Variants in RGS7 observed in about 807,000 individuals in gnomAD.
RGS7 encodes the protein regulator of G protein signaling 7.
RGS7 carries 27 observed loss-of-function variants against 81.1 expected under a neutral mutation model. The observed-to-expected ratio is 0.33, with a 90% CI of 0.25 to 0.46. RGS7 has a LOEUF of 0.46. RGS7 is among the 20% of genes least tolerant of loss of function. The pLI is 1.00. For missense variants in RGS7, 396 were observed against 607.4 expected, an observed-to-expected ratio of 0.65 and a Z score of 3.66; for synonymous variants, 208 against 207.7, an observed-to-expected ratio of 1.00 and a Z score of -0.01.
intron 13 of RGS7, among the ~76,000 whole-genome samples, chr1:240,812,828 T>C (rs1690102724): frequency 1.3e-5 from 2 of 152,216 alleles, no homozygotes; most frequent in Non-Finnish European, 2.9e-5. Flanking sequence ...TACTAGCTAA[T>C]GATTCTGGTG....
chr1:241,281,922 A>T (rs141299146), intron 2 of RGS7, among the ~76,000 whole-genome samples: 1 of 152,316 alleles, frequency 6.6e-6, no homozygotes, highest in East Asian at 1.9e-4. Flanking sequence ...TAAACGTTCA[A>T]CTACTTATGT....
At chr1:241,088,055 T>A (rs191104836) in intron 3 of RGS7, among the ~76,000 whole-genome samples, 1 of 138,832 alleles carries the variant, frequency 7.2e-6, no homozygotes, top group African/African-American at 3.1e-5. Flanking sequence ...TATATATATA[T>A]ACACACACAC....
chr1:241,142,450 T>G (rs6672921), intron 2 of RGS7, among the ~76,000 whole-genome samples: 123,316 of 152,208 alleles, frequency 0.81, 50,705 homozygotes, highest in African/African-American at 0.96. Context: ...CCACGCAGAG[T>G]TTCCCAAACC....
intron 10 of RGS7, among the ~76,000 whole-genome samples, chr1:240,819,454 T>C (rs1691388408): frequency 1.3e-5 from 2 of 152,122 alleles, no homozygotes; most frequent in South Asian, 4.1e-4. Context: ...AGAGGTCCGA[T>C]ACGAGGCCGG....
rs148573845 is a variant in RGS7 at position 241,227,334 on chromosome 1, T to G, written c.78+128365A>C. Among the ~76,000 whole-genome samples the G allele has an allele frequency of 3.1e-3, 472 of 152,120 alleles. 4 individuals are homozygous for G. Among genetic ancestry groups the G allele is most frequent in the African/African-American group, 0.011 (441 of 41,506 alleles). The stretch of plus-strand genomic sequence containing the variant: ...GGGAGTGCTGAATACTGGAATGTAA[T>G]GGAATCCATCTACAGGTAAAAAGCC... On this transcript the variant is annotated intron_variant, in intron 2 of 18. Coordinates refer to ENST00000440928, the MANE Select transcript of RGS7 (RefSeq NM_001364886.1).
intron 5 of RGS7, among the ~76,000 whole-genome samples, chr1:240,933,657 A>C (rs1046934569): frequency 6.6e-6 from 1 of 151,902 alleles, no homozygotes; most frequent in African/African-American, 2.4e-5. Context: ...GAGTTTCTTG[A>C]TTTTTCAATA....
At chr1:241,062,970 A>C (rs2061827129) in intron 3 of RGS7, among the ~76,000 whole-genome samples, 2 of 152,200 alleles carry the variant, frequency 1.3e-5, no homozygotes, top group Admixed American at 1.3e-4. Flanking sequence ...TACAAAGGAG[A>C]GTTGGAAACA....
chr1:240,909,771 A>G (rs1671429825), intron 6 of RGS7, among the ~76,000 whole-genome samples: 1 of 152,194 alleles, frequency 6.6e-6, no homozygotes, highest in Non-Finnish European at 1.5e-5. Context: ...AGTTGACTTA[A>G]CCTTTTGCTG....
chr1:241,092,537 T>C (rs1336510320), intron 3 of RGS7, among the ~76,000 whole-genome samples: 1 of 152,192 alleles, frequency 6.6e-6, no homozygotes, highest in Non-Finnish European at 1.5e-5. Flanking sequence ...TTCAGCAAAA[T>C]CTACAAATAT....
intron 6 of RGS7, among the ~76,000 whole-genome samples, chr1:240,880,113 T>A (rs989866447): frequency 3.3e-5 from 5 of 152,194 alleles, no homozygotes; most frequent in Non-Finnish European, 5.9e-5. Flanking sequence ...ACAACCATTG[T>A]TCACCATAGC....
chr1:241,317,881 C>T (rs2080978771), intron 2 of RGS7, among the ~76,000 whole-genome samples: 1 of 152,162 alleles, frequency 6.6e-6, no homozygotes, highest in Admixed American at 6.5e-5. Flanking sequence ...CAGAAGATAA[C>T]ATTTGGCAGT....
At chr1:241,327,039 G>A (rs1315060703) in intron 2 of RGS7, among the ~76,000 whole-genome samples, 10 of 24,022 alleles carry the variant, frequency 4.2e-4, no homozygotes, top group Non-Finnish European at 6.8e-4. Context: ...AGGAAGGAAG[G>A]GAGGGAGGGG....
chr1:241,240,785 T>C (rs1165658060), intron 2 of RGS7, among the ~76,000 whole-genome samples: 1 of 152,184 alleles, frequency 6.6e-6, no homozygotes, highest in Admixed American at 6.5e-5. Context: ...ATTATAACAT[T>C]AAAAATATAG....
intron 4 of RGS7, among the ~76,000 whole-genome samples, chr1:240,948,368 A>G (rs1423393370): frequency 2.6e-5 from 4 of 152,224 alleles, no homozygotes; most frequent in African/African-American, 9.6e-5. Flanking sequence ...AGGATCTTAC[A>G]TTAGTTCATA....
At chr1:241,344,197 T>C (rs1002163301) in intron 2 of RGS7, among the ~76,000 whole-genome samples, 1 of 152,212 alleles carries the variant, frequency 6.6e-6, no homozygotes, top group African/African-American at 2.4e-5. Context: ...GAAGGTTCTT[T>C]ATATTATTTC....
chr1:240,967,365 C>A (rs975765786), intron 4 of RGS7, among the ~76,000 whole-genome samples: 2 of 152,146 alleles, frequency 1.3e-5, no homozygotes, highest in Non-Finnish European at 2.9e-5. Context: ...CTAAAAGACA[C>A]AAGGATAGAT....
intron 2 of RGS7, among the ~76,000 whole-genome samples, chr1:241,279,335 A>G (rs981551108): frequency 6.6e-6 from 1 of 152,162 alleles, no homozygotes; most frequent in Non-Finnish European, 1.5e-5. Flanking sequence ...TACTGTTTCT[A>G]TGTTCTTTGA....
intron 4 of RGS7, among the ~76,000 whole-genome samples, chr1:240,961,067 G>C (rs1473515201): frequency 6.6e-6 from 1 of 151,966 alleles, no homozygotes; most frequent in Non-Finnish European, 1.5e-5. Context: ...TAATGAATAA[G>C]ACAGCTAATT....
At chr1:240,872,442 G>C (rs1321414784) in intron 6 of RGS7, among the ~76,000 whole-genome samples, 1 of 152,062 alleles carries the variant, frequency 6.6e-6, no homozygotes, top group Non-Finnish European at 1.5e-5. Context: ...CTGGGCAACA[G>C]AGCAAGACTC....
Sources: allele counts gnomAD v4.1 joint callset (sites outside exome capture counted in the v4.1 genomes callset), GRCh38; gene constraint gnomAD v4.1.1; transcripts MANE v1.5; gene names NCBI Gene and HGNC (gene_info 2026-07-23, HGNC 2026-07-21).